The following PPP6R2 variants were observed in gnomAD, a reference collection of about 807,000 sequenced individuals.
PPP6R2 encodes the protein serine/threonine-protein phosphatase 6 regulatory subunit 2.
A neutral mutation model predicts 100.2 loss-of-function variants in PPP6R2; 62 were observed. That is an observed-to-expected ratio of 0.62 (90% CI 0.50 to 0.76). The LOEUF (loss-of-function observed/expected upper bound fraction) is 0.76. PPP6R2 is among the 30% of genes least tolerant of loss of function. PPP6R2 has a pLI of 0.00. For missense variants in PPP6R2, 1,142 were observed against 1,276.3 expected (o/e 0.89, Z 1.60); for synonymous variants, 525 against 514.7 (o/e 1.02, Z -0.27).
chr22:50,373,989 C>A (rs2050885940), intron 2 of PPP6R2, among the ~76,000 whole-genome samples: 1 of 152,148 alleles, frequency 6.6e-6, no homozygotes, highest in African/African-American at 2.4e-5. Context: ...CCACCTCAGC[C>A]TCCCAAATTA....
At chr22:50,418,670 G>A (rs2060882932) in intron 6 of PPP6R2, among the ~76,000 whole-genome samples, 197 bp from the exon 7 acceptor site, 1 of 151,518 alleles carries the variant, frequency 6.6e-6, no homozygotes, top group Admixed American at 6.6e-5. Context: ...ACAGGCCTGA[G>A]CCATTGTGCC....
chr22:50,375,848 T>TC (rs2051408777), intron 2 of PPP6R2, among the ~76,000 whole-genome samples: 2 of 139,206 alleles, frequency 1.4e-5, no homozygotes, highest in South Asian at 5.3e-4. Flanking sequence ...TTTTTTTTTT[T>TC]TTTTTTTTTT....
At chr22:50,348,652 G>T (rs551425136) in intron 1 of PPP6R2, among the ~76,000 whole-genome samples, 3 of 152,124 alleles carry the variant, frequency 2.0e-5, no homozygotes, top group Admixed American at 6.6e-5. Flanking sequence ...TGAGAAGTCC[G>T]AGGGTCACTA....
At chr22:50,438,803 G>A (rs2064959638) in intron 19 of PPP6R2, 41 bp downstream of exon 19, 3 of 1,542,226 alleles carry the variant, frequency 1.9e-6, no homozygotes, top group East Asian at 4.8e-5. Flanking sequence ...GGGTATCGGG[G>A]ACAGGACATG....
chr22:50,443,529 G>C, intron 22 of PPP6R2: 1 of 288,862 alleles, frequency 3.5e-6, no homozygotes, highest in Non-Finnish European at 6.5e-6. Context: ...TCCCCAGACT[G>C]TGTCCAGTGT....
At chr22:50,382,214 T>C (rs1350855956) in intron 2 of PPP6R2, among the ~76,000 whole-genome samples, 2 of 152,194 alleles carry the variant, frequency 1.3e-5, no homozygotes, top group Non-Finnish European at 2.9e-5. Context: ...CTATTATGTA[T>C]GTAGAAAATC....
chr22:50,430,000 T>C (rs955772487), intron 10 of PPP6R2, among the ~76,000 whole-genome samples: 1 of 152,256 alleles, frequency 6.6e-6, no homozygotes, highest in African/African-American at 2.4e-5. Flanking sequence ...GTGTGGAATA[T>C]ACACCTCACC....
At chr22:50,341,808 C>A (rs1367170482), upstream of PPP6R2, among the ~76,000 whole-genome samples, 2 of 152,094 alleles carry the variant, frequency 1.3e-5, no homozygotes, top group Non-Finnish European at 2.9e-5. Context: ...TCCTGGCTAA[C>A]ACAGTGAAAC....
At chr22:50,376,991 C>T (rs905643268) in intron 2 of PPP6R2, among the ~76,000 whole-genome samples, 1 of 151,964 alleles carries the variant, frequency 6.6e-6, no homozygotes, top group Non-Finnish European at 1.5e-5. Context: ...CACACCACTG[C>T]CCTCCAGCCT....
rs187749929 is a variant in PPP6R2 at position 50,387,923 on chromosome 22, G to A, written c.-16-5970G>A. Among the ~76,000 whole-genome samples, 72 of 152,252 alleles carry A rather than the reference G, an allele frequency of 4.7e-4. 2 individuals carry two copies. In the East Asian group the frequency reaches 0.01, roughly 22 times the overall value. ...AGGGGATGTCGATGCTGCATTTTAC[G>A]GGTGAGGAAATCAAGGCATGAGAGA... On this transcript the variant is annotated intron_variant, in intron 2 of 23. Coordinates refer to ENST00000612753, the MANE Select transcript of PPP6R2 (RefSeq NM_001242898.2).
chr22:50,442,804 G>A (rs113102847), intron 22 of PPP6R2, among the ~76,000 whole-genome samples: 2 of 151,180 alleles, frequency 1.3e-5, no homozygotes, highest in African/African-American at 2.4e-5. Flanking sequence ...CGCCTGCCTC[G>A]GCCTCCCAAA....
At chr22:50,354,240 G>A (rs1294385883) in intron 1 of PPP6R2, among the ~76,000 whole-genome samples, 1 of 152,132 alleles carries the variant, frequency 6.6e-6, no homozygotes, top group Non-Finnish European at 1.5e-5. Flanking sequence ...AGAAGGTGGA[G>A]ATTGTAGTGA....
chr22:50,366,605 C>T (rs1387249602), intron 1 of PPP6R2, among the ~76,000 whole-genome samples: 3 of 152,068 alleles, frequency 2.0e-5, no homozygotes, highest in Non-Finnish European at 2.9e-5. Context: ...CACCCGGCCC[C>T]TCTCATCTTT....
In PPP6R2 at chr22:50,440,732, G is replaced by A. The variant is rs1414641375; in HGVS notation, c.2375-90G>A. The A allele has an allele frequency of 1.1e-5, 16 of 1,419,578 alleles. No homozygotes were observed. In the East Asian group the frequency reaches 3.2e-4, roughly 29 times the overall value. 87.9% of individuals were successfully genotyped at this position (1,419,578 alleles called of 1,614,324 possible). A position where few individuals can be genotyped will look rare whatever the true frequency, so the allele number is the denominator to read the frequency against. On this transcript the variant is annotated intron_variant, in intron 21 of 23. Coordinates refer to ENST00000612753, the MANE Select transcript of PPP6R2 (RefSeq NM_001242898.2). Reference sequence around the variant, plus strand: ...GCAGGCAACAGGCTGCATGTGAGAGGGCCACATGTATGGGGACCCTATGGC... The same window carrying A: ...GCAGGCAACAGGCTGCATGTGAGAGAGCCACATGTATGGGGACCCTATGGC...
At chr22:50,366,584 G>A (rs1707173024) in intron 1 of PPP6R2, among the ~76,000 whole-genome samples, 2 of 152,182 alleles carry the variant, frequency 1.3e-5, no homozygotes, top group African/African-American at 4.8e-5. Flanking sequence ...GATTACAGGT[G>A]TGAGCCACCG....
intron 3 of PPP6R2, among the ~76,000 whole-genome samples, chr22:50,399,886 G>A (rs1455054822): frequency 6.6e-6 from 1 of 152,264 alleles, no homozygotes; most frequent in African/African-American, 2.4e-5. Context: ...GCAGTCACAT[G>A]GTCAGCCCTA....
chr22:50,433,434 G>T (rs1262518958), intron 12 of PPP6R2, among the ~76,000 whole-genome samples: 1 of 80,022 alleles, frequency 1.2e-5, no homozygotes, highest in African/African-American at 4.5e-5. Flanking sequence ...ATGCTGGGCA[G>T]GGGCCGGGCA....
At position 50,444,216 on chromosome 22, in the gene PPP6R2, CAGA is replaced by C. The variant is rs1373711027; in HGVS notation, c.2852_2854del (p.Glu951del). 6.2e-7 allele frequency: 1 copy of C among 1,613,042 alleles called. No individual in the cohort carries two copies. Among genetic ancestry groups the C allele is most frequent in the Non-Finnish European group, 8.5e-7 (1 of 1,179,862 alleles). On this transcript the variant is annotated inframe_deletion, in exon 24 of 24. Transcript: ENST00000612753. ...TCCTGCAGGAAGACAGATGCCCCGC[CAGA>C]AGGAGCTGCCTTAAATGGCCCAGTG...
At chr22:50,378,074 C>G (rs981984166) in intron 2 of PPP6R2, among the ~76,000 whole-genome samples, 2 of 152,116 alleles carry the variant, frequency 1.3e-5, no homozygotes, top group Non-Finnish European at 2.9e-5. Context: ...AAATTTATAG[C>G]TAGCCAAAGG....
Sources: allele counts gnomAD v4.1 joint callset (sites outside exome capture counted in the v4.1 genomes callset), GRCh38; gene constraint gnomAD v4.1.1; transcripts MANE v1.5; gene names NCBI Gene and HGNC (gene_info 2026-07-23, HGNC 2026-07-21).